The following PALLD variants were observed in gnomAD, a reference collection of about 807,000 sequenced individuals.
The protein encoded by PALLD is palladin.
In PALLD, 61 loss-of-function variants were observed where a neutral mutation model predicts 123.5. The ratio of observed to expected loss-of-function variants is 0.49; its 90% CI spans 0.40 to 0.61. The LOEUF is 0.61. Ranked by LOEUF, PALLD falls within the 20% of genes least tolerant of loss-of-function variation. PALLD has a pLI of 0.00. For synonymous variants in PALLD, 465 were observed against 496.4 expected (o/e 0.94, Z 0.84); for missense variants, 1,273 against 1,377.0 (o/e 0.92, Z 1.20).
chr4:168,778,368 A>G (rs975817857), intron 10 of PALLD, among the ~76,000 whole-genome samples: 5 of 152,208 alleles, frequency 3.3e-5, no homozygotes, highest in African/African-American at 1.2e-4. Flanking sequence ...TTGTGGTTTA[A>G]GACAGATAGA....
chr4:168,730,614 A>G lies in PALLD; in HGVS notation c.1964+18691A>G, dbSNP rs141660755. ...CTATATGCTTAGCTAGAATGTGTCA[A>G]TGGGCAGGCTTTACCCTAGGATTGG... On this transcript the variant is annotated intron_variant, in intron 10 of 21. Transcript: ENST00000505667. Among the ~76,000 whole-genome samples, 667 of 152,204 alleles carry G rather than the reference A, an allele frequency of 4.4e-3. 6 individuals are homozygous for G. Among genetic ancestry groups the G allele is most frequent in the African/African-American group, 0.015 (635 of 41,512 alleles).
intron 1 of PALLD, among the ~76,000 whole-genome samples, chr4:168,505,237 C>A (rs543461975): frequency 1.9e-4 from 29 of 152,282 alleles, no homozygotes; most frequent in Middle Eastern, 3.4e-3. Context: ...CTATTATTTT[C>A]TTTTTCAATG....
intron 8 of PALLD, among the ~76,000 whole-genome samples, chr4:168,705,243 A>G (rs1290944701): frequency 6.6e-6 from 1 of 152,188 alleles, no homozygotes; most frequent in Non-Finnish European, 1.5e-5. Flanking sequence ...TAATTCATGT[A>G]AAAGATGTGT....
At chr4:168,814,962 G>T (rs527291588) in intron 10 of PALLD, among the ~76,000 whole-genome samples, 1 of 152,164 alleles carries the variant, frequency 6.6e-6, no homozygotes, top group East Asian at 1.9e-4. Flanking sequence ...GTAGAGACGG[G>T]GTTTCACCAT....
rs1343300689 is a variant in PALLD at position 168,924,564 on chromosome 4, C to T, written c.3224+144C>T. ...TGATGAAATCAATCAAAGACAAAAACCATGCGTTACCCAATGTAGGATTAA... is the reference window on the plus strand; with the variant it reads ...TGATGAAATCAATCAAAGACAAAAATCATGCGTTACCCAATGTAGGATTAA... On this transcript the variant is annotated intron_variant, in intron 19 of 21. Transcript: ENST00000505667. 7.1e-6 allele frequency: 6 copies of T among 843,282 alleles called. No individual in the cohort carries two copies. In the African/African-American group the frequency reaches 8.4e-5, roughly 12 times the overall value. 52.2% of individuals were successfully genotyped at this position (843,282 alleles called of 1,614,324 possible).
At chr4:168,502,691 G>A (rs1349471879) in intron 1 of PALLD, among the ~76,000 whole-genome samples, 3 of 152,152 alleles carry the variant, frequency 2.0e-5, no homozygotes, top group Admixed American at 6.5e-5. Flanking sequence ...CTTGAGTCCA[G>A]GAGTTTGAGA....
intron 2 of PALLD, among the ~76,000 whole-genome samples, chr4:168,533,565 C>T (rs926705963): frequency 1.3e-5 from 2 of 152,262 alleles, no homozygotes; most frequent in East Asian, 1.9e-4. Context: ...TTGGATGTTA[C>T]GGAGAAGTCC....
At chr4:168,572,410 A>T (rs1450460222) in intron 2 of PALLD, among the ~76,000 whole-genome samples, 1 of 152,104 alleles carries the variant, frequency 6.6e-6, no homozygotes, top group Non-Finnish European at 1.5e-5. Flanking sequence ...CTGGGGTACA[A>T]ACTCAGGTCA....
chr4:168,607,071 C>T (rs551730940), intron 2 of PALLD, among the ~76,000 whole-genome samples: 3 of 151,984 alleles, frequency 2.0e-5, no homozygotes, highest in South Asian at 2.1e-4. Flanking sequence ...ACAAAAGGCA[C>T]GGGGGCTGGG....
At chr4:168,600,496 G>T (rs1472259907) in intron 2 of PALLD, among the ~76,000 whole-genome samples, 1 of 151,936 alleles carries the variant, frequency 6.6e-6, no homozygotes, top group Non-Finnish European at 1.5e-5. Context: ...ATAAATAAAT[G>T]AAAATATTTG....
intron 2 of PALLD, among the ~76,000 whole-genome samples, chr4:168,635,426 C>A (rs1776244347): frequency 8.5e-5 from 13 of 152,234 alleles, no homozygotes; most frequent in Admixed American, 8.5e-4. Flanking sequence ...CTACCACAAA[C>A]TGGCACAGTA....
chr4:168,830,979 CCATTCATT>C (rs370735550), intron 10 of PALLD, among the ~76,000 whole-genome samples: 34 of 152,324 alleles, frequency 2.2e-4, no homozygotes, highest in African/African-American at 7.9e-4. Flanking sequence ...GTAGATATTA[CCATTCATT>C]CATTCATTCA....
intron 10 of PALLD, among the ~76,000 whole-genome samples, chr4:168,856,062 TAC>T (rs1748564724): frequency 1.3e-5 from 2 of 152,384 alleles, no homozygotes; most frequent in South Asian, 4.1e-4. Context: ...TGTTTGTGTG[TAC>T]ACAGTGTTTA....
chr4:168,606,006 A>G (rs543040991), intron 2 of PALLD, among the ~76,000 whole-genome samples: 2 of 152,082 alleles, frequency 1.3e-5, no homozygotes, highest in Non-Finnish European at 2.9e-5. Context: ...TTAAATTTCT[A>G]CAATCATTGC....
intron 10 of PALLD, among the ~76,000 whole-genome samples, chr4:168,750,366 T>A (rs963357321): frequency 6.6e-6 from 1 of 152,222 alleles, no homozygotes. Context: ...TTTGTTCTTT[T>A]TTATGGCTGC....
At chr4:168,810,681 G>A (rs1263991776) in intron 10 of PALLD, among the ~76,000 whole-genome samples, 2 of 151,824 alleles carry the variant, frequency 1.3e-5, no homozygotes, top group South Asian at 2.1e-4. Context: ...GGTGGCTCAC[G>A]CCTGTAGTCC....
chr4:168,608,290 C>T (rs1223210374), intron 2 of PALLD, among the ~76,000 whole-genome samples: 1 of 152,202 alleles, frequency 6.6e-6, no homozygotes, highest in African/African-American at 2.4e-5. Context: ...AATCTGAAGC[C>T]TGCTCATAGC....
Position 168,861,230 on chromosome 4 carries a change from G to A in PALLD, c.1965-29692G>A, listed in dbSNP as rs183040869. Among the ~76,000 whole-genome samples the A allele has an allele frequency of 2.6e-5, 4 of 151,964 alleles. No homozygotes were observed. The East Asian group carries it at 5.8e-4, about 22-fold the overall frequency. ...ATGGATGACCAGTGAATGCTTTTGGGAGTGTAGGACTACACTGAATAATCG... is the reference window on the plus strand; with the variant it reads ...ATGGATGACCAGTGAATGCTTTTGGAAGTGTAGGACTACACTGAATAATCG... On this transcript the variant is annotated intron_variant, in intron 10 of 21. Transcript: ENST00000505667.
intron 2 of PALLD, among the ~76,000 whole-genome samples, chr4:168,617,154 T>A (rs1437217005): frequency 6.6e-6 from 1 of 152,176 alleles, no homozygotes; most frequent in East Asian, 1.9e-4. Flanking sequence ...TTGACAACAA[T>A]GAGCCTGCCA....
Sources: gnomAD v4.1 joint callset for allele counts (sites outside exome capture counted in the v4.1 genomes callset) on GRCh38, gnomAD v4.1.1 for gene constraint, MANE v1.5 for transcripts, NCBI Gene and HGNC (gene_info 2026-07-23, HGNC 2026-07-21) for gene names.